SNX25: variants seen among roughly 807,000 people sequenced by gnomAD.
The protein encoded by SNX25 is sorting nexin-25.
Under a neutral mutation model 113.7 loss-of-function variants are expected in SNX25, and 62 were observed. The ratio of observed to expected loss-of-function variants is 0.55; its 90% CI spans 0.44 to 0.67. SNX25 has a LOEUF of 0.67. SNX25 is among the 30% of genes least tolerant of loss of function. The pLI is 0.00. For synonymous variants in SNX25, 421 were observed against 436.2 expected (o/e 0.97, Z 0.43); for missense variants, 1,014 against 1,161.0 (o/e 0.87, Z 1.84).
At chr4:185,371,364 C>T (rs985795221), downstream of SNX25, among the ~76,000 whole-genome samples, 1 of 151,672 alleles carries the variant, frequency 6.6e-6, no homozygotes, top group South Asian at 2.1e-4. Context: ...ATGGTGAAAC[C>T]CCGTCTCTAC....
chr4:185,321,832 T>G (rs1175951167), intron 8 of SNX25, among the ~76,000 whole-genome samples: 1 of 152,212 alleles, frequency 6.6e-6, no homozygotes, highest in Non-Finnish European at 1.5e-5. Flanking sequence ...TCCTTGTCAT[T>G]ATTTCCTAAA....
intron 11 of SNX25, among the ~76,000 whole-genome samples, chr4:185,340,291 A>G (rs1579851518): frequency 6.6e-6 from 1 of 151,998 alleles, no homozygotes; most frequent in Admixed American, 6.5e-5. Context: ...AGGGGTTGGG[A>G]GAGGGTCAAA....
In SNX25 at chr4:185,357,710, A is replaced by G. The variant is rs778823093; in HGVS notation, c.2624A>G (p.Gln875Arg). The change falls in exon 16 of 19, where the codon CAG (glutamine) becomes CGG (arginine). Residue 875 changes from glutamine (Q) to arginine (R), a missense_variant. Coordinates refer to ENST00000652585, the MANE Select transcript of SNX25 (RefSeq NM_001378034.2). Reference sequence around the variant, plus strand: ...AGAAGAACATTAATTGCCCTCGTTCAGGTCACTTTTGGAAGAACCATCAAC... The same window carrying G: ...AGAAGAACATTAATTGCCCTCGTTCGGGTCACTTTTGGAAGAACCATCAAC... ...WVRRTLIALV[Q>R]VTFGRTINKQ... 30 of 1,614,018 alleles carry G rather than the reference A, an allele frequency of 1.9e-5. No homozygotes were observed. The highest frequency in any genetic ancestry group is 5.0e-5 in the Admixed American group (3 of 60,010).
chr4:185,311,788 T>C (rs1359390334), intron 7 of SNX25, among the ~76,000 whole-genome samples: 1 of 152,214 alleles, frequency 6.6e-6, no homozygotes, highest in Non-Finnish European at 1.5e-5. Flanking sequence ...CTTGACTTTC[T>C]TAGTTTCTGG....
At chr4:185,241,525 AGGAGGGAGAGGGAG>A (rs1744030569) in intron 1 of SNX25, among the ~76,000 whole-genome samples, 2 of 29,712 alleles carry the variant, frequency 6.7e-5, no homozygotes, top group African/African-American at 1.7e-4. Flanking sequence ...GGAGAGGGAG[AGGAGGGAGAGGGAG>A]AGGAGGGAGA....
intron 1 of SNX25, among the ~76,000 whole-genome samples, chr4:185,246,283 A>G (rs535016440): frequency 6.6e-6 from 1 of 152,240 alleles, no homozygotes; most frequent in African/African-American, 2.4e-5. Context: ...AACATGTGAG[A>G]CTCAAAAAAG....
Position 185,335,968 on chromosome 4 carries a change from A to C in SNX25, c.1914+3209A>C, listed in dbSNP as rs78910293. ...CTTCCTGTAGGCTTTCTGAGGAAGG[A>C]AAGAGCCCTTGCACACTGCATATTC... On this transcript the variant is annotated intron_variant, in intron 10 of 18. Coordinates refer to ENST00000652585, the MANE Select transcript of SNX25 (RefSeq NM_001378034.2). Among the ~76,000 whole-genome samples, 1,271 of 152,336 alleles carry C rather than the reference A, an allele frequency of 8.3e-3. 13 individuals are homozygous for C. The highest frequency in any genetic ancestry group is 0.028 in the African/African-American group (1,179 of 41,580).
chr4:185,300,146 A>G (rs944556354), intron 6 of SNX25, among the ~76,000 whole-genome samples: 1 of 148,734 alleles, frequency 6.7e-6, no homozygotes, highest in Non-Finnish European at 1.5e-5. Flanking sequence ...AAGAATCATA[A>G]CAATGTCCAC....
chr4:185,319,099 TA>T (rs2095098522), intron 7 of SNX25, among the ~76,000 whole-genome samples: 2 of 83,834 alleles, frequency 2.4e-5, no homozygotes, highest in South Asian at 4.9e-4. Flanking sequence ...TTATTTTTTT[TA>T]TTTTTTTTTT....
At chr4:185,237,642 G>A (rs1238928983) in intron 1 of SNX25, among the ~76,000 whole-genome samples, 1 of 152,000 alleles carries the variant, frequency 6.6e-6, no homozygotes, top group Non-Finnish European at 1.5e-5. Flanking sequence ...AGACGCCCAC[G>A]GCTTGAACAT....
chr4:185,239,117 T>C (rs1016778341), intron 1 of SNX25, among the ~76,000 whole-genome samples: 3 of 152,256 alleles, frequency 2.0e-5, no homozygotes, highest in East Asian at 1.9e-4. Context: ...AAAGCTGATA[T>C]ATATTCAGAA....
chr4:185,373,953 G>T (rs1340969246), downstream of SNX25, among the ~76,000 whole-genome samples: 3 of 152,066 alleles, frequency 2.0e-5, no homozygotes, highest in Non-Finnish European at 4.4e-5. Flanking sequence ...CTTCGGTAGA[G>T]GTAGGGAAGG....
intron 5 of SNX25, among the ~76,000 whole-genome samples, chr4:185,284,712 T>C (rs12641719): frequency 0.37 from 56,298 of 151,836 alleles, 11,369 homozygotes; most frequent in East Asian, 0.57. Flanking sequence ...AGTGTTCCCA[T>C]AGGAGGGTGT....
At chr4:185,288,655 CTGTT>C (rs986408901) in intron 6 of SNX25, among the ~76,000 whole-genome samples, 1 of 151,638 alleles carries the variant, frequency 6.6e-6, no homozygotes, top group Non-Finnish European at 1.5e-5. Context: ...CTTTTTCTTC[CTGTT>C]TGTTTCTCTT....
intron 6 of SNX25, among the ~76,000 whole-genome samples, chr4:185,309,004 C>T (rs1348952743): frequency 1.3e-5 from 2 of 152,198 alleles, no homozygotes; most frequent in Non-Finnish European, 2.9e-5. Context: ...CATGAAGCTG[C>T]AATCTGGGCA....
chr4:185,282,516 A>G (rs192534482), intron 5 of SNX25, among the ~76,000 whole-genome samples: 2 of 152,294 alleles, frequency 1.3e-5, no homozygotes, highest in South Asian at 2.1e-4. Flanking sequence ...GCTGCGTAGC[A>G]TTTCAGTGAG....
chr4:185,338,424 G>GC (rs923257090), intron 10 of SNX25, among the ~76,000 whole-genome samples: 19 of 151,404 alleles, frequency 1.3e-4, no homozygotes, highest in African/African-American at 4.4e-4. Flanking sequence ...TATAGGCGCC[G>GC]CCCCCAACCC....
chr4:185,218,326 C>T (rs928431404), intron 1 of SNX25, among the ~76,000 whole-genome samples: 5 of 152,250 alleles, frequency 3.3e-5, no homozygotes, highest in Non-Finnish European at 7.3e-5. Context: ...CTCAGGCGAT[C>T]CGTGCCCCTT....
At chr4:185,337,411 G>T (rs182916547) in intron 10 of SNX25, among the ~76,000 whole-genome samples, 172 of 152,254 alleles carry the variant, frequency 1.1e-3, no homozygotes, top group African/African-American at 4.1e-3. Flanking sequence ...GTGGTAGCGT[G>T]TGTTAGAATT....
Sources: gnomAD v4.1 joint callset for allele counts (sites outside exome capture counted in the v4.1 genomes callset) on GRCh38, gnomAD v4.1.1 for gene constraint, MANE v1.5 for transcripts, NCBI Gene and HGNC (gene_info 2026-07-23, HGNC 2026-07-21) for gene names.